Variants in LINGO3 observed in about 807,000 individuals in gnomAD.
LINGO3 encodes the protein leucine-rich repeat and immunoglobulin-like domain-containing nogo receptor-interacting protein 3.
For missense variants in LINGO3, 750 were observed against 867.7 expected, an observed-to-expected ratio of 0.86 and a Z score of 1.70; for synonymous variants, 427 against 444.2, an observed-to-expected ratio of 0.96 and a Z score of 0.49.
At chr19:2,289,063 G>T (rs1343053808), downstream of LINGO3, among the ~76,000 whole-genome samples, 1 of 151,814 alleles carries the variant, frequency 6.6e-6, no homozygotes, top group African/African-American at 2.4e-5. Context: ...TGTGTCCTGG[G>T]TGTGAGCTGT....
At chr19:2,289,950 C>A (rs1352096322) in exon 1 of LINGO3, 2 of 1,432,678 alleles carry the variant, frequency 1.4e-6, no homozygotes, top group Non-Finnish European at 9.4e-7. Context: ...GACACGCGAG[C>A]GGCCGGCCCG....
upstream of LINGO3, among the ~76,000 whole-genome samples, chr19:2,293,922 G>A (rs1203016999): frequency 6.6e-6 from 1 of 151,962 alleles, no homozygotes; most frequent in Admixed American, 6.6e-5. Context: ...GCGTGGTGGC[G>A]CGCATCTATA....
the LINGO3 span, among the ~76,000 whole-genome samples, chr19:2,299,885 GGC>G: frequency 6.7e-6 from 1 of 150,332 alleles, no homozygotes; most frequent in Non-Finnish European, 1.5e-5. Context: ...CACCACGCCC[GGC>G]TAATTTTTTG....
chr19:2,307,324 T>C, the LINGO3 span, among the ~76,000 whole-genome samples: 1 of 152,186 alleles, frequency 6.6e-6, no homozygotes, highest in African/African-American at 2.4e-5. Flanking sequence ...CAAGCACACG[T>C]TGAGAAACCC....
chr19:2,299,229 C>T, the LINGO3 span, among the ~76,000 whole-genome samples: 1 of 152,082 alleles, frequency 6.6e-6, no homozygotes, highest in Non-Finnish European at 1.5e-5. Flanking sequence ...GCCGGGGAGG[C>T]AGGAGGGGGG....
the LINGO3 span, among the ~76,000 whole-genome samples, chr19:2,303,581 A>G: frequency 6.6e-6 from 1 of 152,202 alleles, no homozygotes; most frequent in African/African-American, 2.4e-5. Context: ...ACTTGCATCC[A>G]CAGGCAATGG....
At chr19:2,293,061 G>GTTTCTTTCTTTCTTTCTTTCTTTCTTTC (rs71176536), upstream of LINGO3, among the ~76,000 whole-genome samples, 30 of 151,054 alleles carry the variant, frequency 2.0e-4, no homozygotes, top group African/African-American at 7.3e-4. Context: ...GTATGACCCC[G>GTTTCTTTCTTTCTTTCTTTCTTTCTTTC]TTTCTTTCTT....
chr19:2,298,419 A>G, the LINGO3 span, among the ~76,000 whole-genome samples: 1 of 151,190 alleles, frequency 6.6e-6, no homozygotes, highest in African/African-American at 2.4e-5. Flanking sequence ...TTTTGTAGAG[A>G]TAGGGTCTCA....
At chr19:2,291,021 C>G (rs781409617) in exon 1 of LINGO3, 7 of 1,611,282 alleles carry the variant, frequency 4.3e-6, no homozygotes, top group Non-Finnish European at 5.9e-6. Context: ...TGTGGGTGAC[C>G]GACAGCGAGG....
chr19:2,290,810 G>A lies in LINGO3; in HGVS notation c.967C>T (p.Leu323Phe). Residue 323 changes from leucine (L) to phenylalanine (F), a missense_variant, in exon 1 of 1, where the codon CTC becomes TTC. Leu to Phe is a conservative substitution (Grantham distance 22). Transcript: ENST00000585527. This position sits in a 1 kb window ranked among gnomAD's most constrained non-coding sequence, Gnocchi z 6.0. ...GAGAGCAGGTTGTTGGAGAGGTTGA[G>A]CAGGCGGATCTGGCGCAGGCCCAGG... 7 of 1,612,608 alleles carry A rather than the reference G, an allele frequency of 4.3e-6. No individual in the cohort carries two copies. The highest frequency in any genetic ancestry group is 5.9e-6 in the Non-Finnish European group (7 of 1,179,630).
chr19:2,300,828 A>C, the LINGO3 span, among the ~76,000 whole-genome samples: 3 of 152,174 alleles, frequency 2.0e-5, no homozygotes, highest in African/African-American at 7.2e-5. Context: ...ATGGAACTGG[A>C]GTAGGGGGAG....
upstream of LINGO3, among the ~76,000 whole-genome samples, chr19:2,296,959 GC>G (rs1338478936): frequency 1.8e-4 from 28 of 151,670 alleles, no homozygotes; most frequent in African/African-American, 6.8e-4. Flanking sequence ...GGGCGTGGTG[GC>G]GGGCGCCCGT....
At chr19:2,304,139 T>C in the LINGO3 span, among the ~76,000 whole-genome samples, 1 of 152,176 alleles carries the variant, frequency 6.6e-6, no homozygotes, top group Non-Finnish European at 1.5e-5. Context: ...TCAACAAACA[T>C]TCATTCAACA....
the LINGO3 span, among the ~76,000 whole-genome samples, chr19:2,299,431 A>AT: frequency 1.9e-4 from 28 of 148,612 alleles, 1 homozygote; most frequent in African/African-American, 5.2e-4. Context: ...ATTTTATTTT[A>AT]TTTTTTTTTT....
At chr19:2,287,933 C>T (rs2145082424), downstream of LINGO3, among the ~76,000 whole-genome samples, 1 of 152,310 alleles carries the variant, frequency 6.6e-6, no homozygotes, top group Non-Finnish European at 1.5e-5. The surrounding 1 kb of genome is among the most constrained non-coding windows in gnomAD (Gnocchi z 4.5). Flanking sequence ...TTTGGCCCAA[C>T]AGTGGTTCCT....
At chr19:2,297,453 C>A in the LINGO3 span, among the ~76,000 whole-genome samples, 2 of 151,702 alleles carry the variant, frequency 1.3e-5, no homozygotes, top group African/African-American at 2.4e-5. Flanking sequence ...TACAGGTGCC[C>A]GCCACCACGC....
downstream of LINGO3, among the ~76,000 whole-genome samples, chr19:2,289,119 C>G (rs2025491629): frequency 6.7e-6 from 1 of 150,076 alleles, no homozygotes; most frequent in Admixed American, 6.6e-5. Flanking sequence ...GTCCTTGTAT[C>G]AGGTGTGAGC....
the LINGO3 span, among the ~76,000 whole-genome samples, chr19:2,307,693 A>G: frequency 6.6e-6 from 1 of 152,156 alleles, no homozygotes; most frequent in African/African-American, 2.4e-5. Flanking sequence ...ACAGGGCAGG[A>G]AGGCGCGGGC....
chr19:2,297,790 C>T, the LINGO3 span, among the ~76,000 whole-genome samples: 2 of 149,740 alleles, frequency 1.3e-5, no homozygotes, highest in African/African-American at 2.5e-5. Flanking sequence ...TTTTTAGTAG[C>T]GATGGGGTTT....
Sources: gnomAD v4.1 joint callset for allele counts (sites outside exome capture counted in the v4.1 genomes callset) on GRCh38, gnomAD v4.1.1 for gene constraint, Gnocchi (gnomAD v3.1) non-coding constraint, MANE v1.5 for transcripts, NCBI Gene and HGNC (gene_info 2026-07-23, HGNC 2026-07-21) for gene names.